The following CDYL2 variants were observed in gnomAD, a reference collection of about 807,000 sequenced individuals.
The protein encoded by CDYL2 is chromodomain Y-like protein 2.
In CDYL2, 23 loss-of-function variants were observed where a neutral mutation model predicts 49.4. The observed-to-expected ratio is 0.47, with a 90% CI of 0.34 to 0.66. The LOEUF (loss-of-function observed/expected upper bound fraction) is 0.66, where lower values mean the gene tolerates loss of function less well. Ranked by LOEUF, CDYL2 falls within the 30% of genes least tolerant of loss-of-function variation. The pLI, the probability that CDYL2 is intolerant of heterozygous loss-of-function variation, is 0.01. For synonymous variants in CDYL2, 360 were observed against 268.8 expected (o/e 1.34, Z -3.32); for missense variants, 678 against 656.4 (o/e 1.03, Z -0.36).
rs768140025 is a variant in CDYL2, at chr16:80,684,808, G to A, written c.346C>T (p.Pro116Ser). The A allele has an allele frequency of 6.2e-7, 1 of 1,613,312 alleles. No homozygotes were observed. Residue 116 changes from proline (P) to serine (S), a missense_variant, in exon 2 of 7, where the codon CCA (proline) becomes TCA (serine). Transcript: ENST00000570137. Reference protein sequence around the residue: ...RKRINPPLAKPKKGYSGKPSS... With the variant: ...RKRINPPLAKSKKGYSGKPSS... ...GGCTTGCCTGAATACCCTTTTTTTG[G>A]CTTGGCCAGGGGAGGGTTAATTCGC...
intron 1 of CDYL2, among the ~76,000 whole-genome samples, chr16:80,712,681 T>C (rs1413701727): frequency 6.6e-6 from 1 of 152,110 alleles, no homozygotes; most frequent in Admixed American, 6.5e-5. Flanking sequence ...AAGGTGCCTA[T>C]GGGTAACACA....
intron 3 of CDYL2, among the ~76,000 whole-genome samples, chr16:80,622,979 G>C (rs546164615): frequency 6.6e-6 from 1 of 152,282 alleles, no homozygotes; most frequent in African/African-American, 2.4e-5. Flanking sequence ...GGGAAACTGA[G>C]GCTCAGAGAG....
rs144895274 is a variant in CDYL2 at position 80,776,782 on chromosome 16, A to G, written c.24+27368T>C. ...ATTTTAAACCCAGGAAAAATCAAAC[A>G]ACATATATTTTAGGGATGCATACGT... On this transcript the variant is annotated intron_variant, in intron 1 of 6. Coordinates refer to ENST00000570137, the MANE Select transcript of CDYL2 (RefSeq NM_152342.4). Among the ~76,000 whole-genome samples, 42 of 152,034 alleles carry G rather than the reference A, an allele frequency of 2.8e-4. No individual in the cohort carries two copies. The East Asian group carries it at 4.1e-3, about 15-fold the overall frequency.
At chr16:80,714,345 A>C (rs1425608650) in intron 1 of CDYL2, among the ~76,000 whole-genome samples, 1 of 152,196 alleles carries the variant, frequency 6.6e-6, no homozygotes, top group Non-Finnish European at 1.5e-5. Flanking sequence ...TGTTCCCCAC[A>C]CGAAGAAATG....
At chr16:80,604,579 G>A in intron 6 of CDYL2, 33 bp from the exon 7 acceptor site, 3 of 1,612,544 alleles carry the variant, frequency 1.9e-6, no homozygotes, top group Non-Finnish European at 2.5e-6. Context: ...GATTAGCCGG[G>A]CACCAGGGAC....
rs189285943 is a variant in CDYL2, at chr16:80,632,560, T to A, written c.834+459A>T. 305 of 163,500 alleles carry A rather than the reference T, an allele frequency of 1.9e-3. 1 individual carries two copies. Among genetic ancestry groups the A allele is most frequent in the African/African-American group, 6.8e-3 (284 of 41,642 alleles). 10.1% of individuals were successfully genotyped at this position (163,500 alleles called of 1,614,324 possible). On this transcript the variant is annotated intron_variant, in intron 3 of 6. Coordinates refer to ENST00000570137, the MANE Select transcript of CDYL2 (RefSeq NM_152342.4). The stretch of plus-strand genomic sequence containing the variant: ...GTACATTTTAAAAGGGTGACATTTA[T>A]GGTATGTGAAATCAATCTGTCTCAA...
intron 1 of CDYL2, among the ~76,000 whole-genome samples, chr16:80,712,115 A>G (rs1168794391): frequency 1.2e-4 from 18 of 144,906 alleles, no homozygotes; most frequent in Non-Finnish European, 2.4e-4. Context: ...ATATGTGTAT[A>G]TATGTGTATA....
intron 1 of CDYL2, among the ~76,000 whole-genome samples, chr16:80,802,534 C>G (rs539636724): frequency 6.6e-6 from 1 of 152,220 alleles, no homozygotes; most frequent in East Asian, 1.9e-4. Context: ...AAGTTCTTCA[C>G]AAGATCTCTA....
At chr16:80,669,755 C>T (rs1357203956) in intron 2 of CDYL2, among the ~76,000 whole-genome samples, 2 of 152,232 alleles carry the variant, frequency 1.3e-5, no homozygotes, top group Non-Finnish European at 2.9e-5. Context: ...GCTGCAAAAG[C>T]TCCCTGAGCA....
chr16:80,711,823 G>T (rs922905149), intron 1 of CDYL2, among the ~76,000 whole-genome samples: 3 of 152,062 alleles, frequency 2.0e-5, no homozygotes, highest in Non-Finnish European at 4.4e-5. Context: ...GCCCTTGTCT[G>T]ATGTACCTAG....
chr16:80,678,244 A>C (rs1223666293), intron 2 of CDYL2, among the ~76,000 whole-genome samples: 1 of 152,242 alleles, frequency 6.6e-6, no homozygotes, highest in East Asian at 1.9e-4. Context: ...TGGCAACAAA[A>C]GCCAAAATTG....
chr16:80,725,907 A>C (rs1905148349), intron 1 of CDYL2, among the ~76,000 whole-genome samples: 1 of 152,182 alleles, frequency 6.6e-6, no homozygotes, highest in South Asian at 2.1e-4. Flanking sequence ...CTTCTAAGAC[A>C]TTGGGGCATG....
chr16:80,652,634 AG>A (rs2142421947), intron 2 of CDYL2, among the ~76,000 whole-genome samples: 1 of 152,336 alleles, frequency 6.6e-6, no homozygotes, highest in Admixed American at 6.5e-5. Flanking sequence ...CCTACAGTGG[AG>A]AAACCTGACA....
At chr16:80,733,322 G>T (rs1905399362) in intron 1 of CDYL2, among the ~76,000 whole-genome samples, 2 of 152,204 alleles carry the variant, frequency 1.3e-5, no homozygotes, top group South Asian at 4.1e-4. Flanking sequence ...GAGCGGTCAG[G>T]GATGGAATGA....
At chr16:80,691,884 G>C (rs559202427) in intron 1 of CDYL2, among the ~76,000 whole-genome samples, 11 of 152,230 alleles carry the variant, frequency 7.2e-5, no homozygotes, top group South Asian at 2.1e-4. Flanking sequence ...GAATCAAAGA[G>C]AAAACGCAAG....
intron 1 of CDYL2, chr16:80,735,073 T>A (rs1597106519): frequency 6.6e-6 from 1 of 152,244 alleles, no homozygotes; most frequent in Admixed American, 6.5e-5. Flanking sequence ...TGATACTTAG[T>A]TGTTTCTCCC....
chr16:80,721,294 C>A (rs897331157), intron 1 of CDYL2, among the ~76,000 whole-genome samples: 1 of 152,154 alleles, frequency 6.6e-6, no homozygotes, highest in East Asian at 1.9e-4. Context: ...TGACTCATTC[C>A]CATTTGATAC....
intron 6 of CDYL2, among the ~76,000 whole-genome samples, chr16:80,606,691 T>C (rs973340439): frequency 1.3e-5 from 2 of 152,220 alleles, no homozygotes; most frequent in Non-Finnish European, 2.9e-5. Flanking sequence ...AATCTCATCT[T>C]GAATTGTAGC....
Position 80,604,544 on chromosome 16 carries a change from C to T in CDYL2, c.1365G>A (p.Val455=). The T allele has an allele frequency of 3.1e-6, 5 of 1,614,118 alleles. No individual in the cohort carries two copies. Among genetic ancestry groups the T allele is most frequent in the Non-Finnish European group, 4.2e-6 (5 of 1,179,950 alleles). Residue 455 remains valine, a splice_region_variant and synonymous_variant, in exon 7 of 7, where the codon GTG becomes GTA. Transcript: ENST00000570137. ...VKEMASCSAV[V]LEESKCLVRS... ...GCACGAGGCATTTGGACTCCTCTAA[C>T]ACCTAGAGGGAAATAGACAGGCCTG...
Sources: gnomAD v4.1 joint callset for allele counts (sites outside exome capture counted in the v4.1 genomes callset) on GRCh38, gnomAD v4.1.1 for gene constraint, MANE v1.5 for transcripts, NCBI Gene and HGNC (gene_info 2026-07-23, HGNC 2026-07-21) for gene names.